Variants in DAB1 observed in about 807,000 individuals in gnomAD.
DAB1 encodes the protein DAB adaptor protein 1, also known as disabled homolog 1.
A neutral mutation model predicts 64.6 loss-of-function variants in DAB1; 15 were observed. The ratio of observed to expected loss-of-function variants is 0.23; its 90% confidence interval spans 0.16 to 0.36. DAB1 has a LOEUF of 0.36. DAB1 is among the 10% of genes least tolerant of loss of function. The probability of loss-of-function intolerance (pLI) is 1.00; values close to 1 mark genes in which losing one functional copy is unlikely to be tolerated. For synonymous variants in DAB1, 235 were observed against 251.9 expected (o/e 0.93, Z 0.64); for missense variants, 596 against 706.7 (o/e 0.84, Z 1.78).
chr1:58,456,701 C>T (rs560714474), intron 3 of DAB1, among the ~76,000 whole-genome samples: 3 of 152,332 alleles, frequency 2.0e-5, no homozygotes, highest in South Asian at 4.1e-4. Context: ...TCACCAAATA[C>T]TTATGAAGCT....
At chr1:57,504,934 C>T (rs982595185) in intron 7 of DAB1, among the ~76,000 whole-genome samples, 1 of 152,056 alleles carries the variant, frequency 6.6e-6, no homozygotes, top group Non-Finnish European at 1.5e-5. Flanking sequence ...TTGTTAAGGC[C>T]ATTAAAAACA....
intron 1 of DAB1, among the ~76,000 whole-genome samples, chr1:57,294,579 T>C (rs1673040820): frequency 6.6e-6 from 1 of 152,108 alleles, no homozygotes; most frequent in African/African-American, 2.4e-5. Flanking sequence ...TCTCATATAA[T>C]CCTACAATAA....
intron 7 of DAB1, among the ~76,000 whole-genome samples, chr1:57,583,085 AACT>A (rs1645332985): frequency 6.6e-6 from 1 of 152,176 alleles, no homozygotes; most frequent in African/African-American, 2.4e-5. Context: ...GAAATTATTG[AACT>A]GCTGAGTTAG....
chr1:57,110,814 C>G (rs1047151245), intron 4 of DAB1, among the ~76,000 whole-genome samples: 2 of 152,080 alleles, frequency 1.3e-5, no homozygotes, highest in African/African-American at 4.8e-5. Context: ...GGCACTATAG[C>G]TATGCCCACT....
At chr1:57,771,890 T>C (rs1439186983) in intron 6 of DAB1, among the ~76,000 whole-genome samples, 2 of 152,162 alleles carry the variant, frequency 1.3e-5, no homozygotes, top group Admixed American at 6.5e-5. Context: ...GCACTCACCA[T>C]AGTAATTTTG....
chr1:57,128,924 G>C (rs1457841009), intron 4 of DAB1, among the ~76,000 whole-genome samples: 1 of 152,122 alleles, frequency 6.6e-6, no homozygotes, highest in African/African-American at 2.4e-5. Context: ...CATATCATCT[G>C]GGGATCAGTT....
chr1:57,258,301 G>A (rs1669918444), intron 2 of DAB1, among the ~76,000 whole-genome samples: 1 of 152,184 alleles, frequency 6.6e-6, no homozygotes, highest in Non-Finnish European at 1.5e-5. Context: ...CACACAGTAA[G>A]AAGGAGGCAG....
At chr1:57,515,250 T>A (rs1644450541) in intron 7 of DAB1, among the ~76,000 whole-genome samples, 1 of 152,234 alleles carries the variant, frequency 6.6e-6, no homozygotes, top group South Asian at 2.1e-4. Context: ...AGACACTGAT[T>A]ATAAAAGGCA....
chr1:57,312,910 A>T (rs1674849194), intron 1 of DAB1, among the ~76,000 whole-genome samples: 1 of 152,084 alleles, frequency 6.6e-6, no homozygotes, highest in Non-Finnish European at 1.5e-5. Context: ...TGGAACAGAG[A>T]GGGACGCTTT....
intron 2 of DAB1, among the ~76,000 whole-genome samples, chr1:57,248,794 C>T (rs1184969251): frequency 6.6e-6 from 1 of 152,210 alleles, no homozygotes; most frequent in East Asian, 1.9e-4. Context: ...CCACAGGTAT[C>T]TGCATTTGCT....
At chr1:57,298,924 G>C (rs1673414682) in intron 1 of DAB1, among the ~76,000 whole-genome samples, 1 of 152,112 alleles carries the variant, frequency 6.6e-6, no homozygotes, top group South Asian at 2.1e-4. Flanking sequence ...GACCAGAAGT[G>C]GAAAAAGAAA....
At chr1:57,361,053 G>A (rs1679508735) in intron 1 of DAB1, among the ~76,000 whole-genome samples, 1 of 152,084 alleles carries the variant, frequency 6.6e-6, no homozygotes, top group African/African-American at 2.4e-5. Flanking sequence ...AGAGAGATAA[G>A]CACTGTGAGG....
intron 1 of DAB1, among the ~76,000 whole-genome samples, chr1:57,369,437 C>T (rs34707135): frequency 0.02 from 3,116 of 152,192 alleles, 42 homozygotes; most frequent in South Asian, 0.042. Flanking sequence ...TCTTAATGAA[C>T]ATTTTCCTTT....
chr1:57,511,169 G>T lies in DAB1; in HGVS notation n.625+138423C>A, dbSNP rs1570585087. On this transcript the variant is annotated intron_variant and non_coding_transcript_variant, in intron 7 of 20. Transcript: ENST00000485760. ...TCTAAAATCTATGTTCTACACAGTG[G>T]AACCACCAAATAGATAGAAATCTAA... Among the ~76,000 whole-genome samples, 4 of 152,080 alleles carry T rather than the reference G, an allele frequency of 2.6e-5. No homozygotes were observed. In the East Asian group the frequency reaches 5.8e-4, roughly 22 times the overall value.
intron 6 of DAB1, among the ~76,000 whole-genome samples, chr1:57,788,533 C>T (rs540262911): frequency 6.6e-6 from 1 of 152,286 alleles, no homozygotes; most frequent in South Asian, 2.1e-4. Flanking sequence ...TCAGGGAGAG[C>T]ACTAACCACA....
At chr1:57,922,932 C>T (rs529199183) in intron 5 of DAB1, among the ~76,000 whole-genome samples, 130 of 150,640 alleles carry the variant, frequency 8.6e-4, no homozygotes, top group Middle Eastern at 3.4e-3. Context: ...GACTACAGCT[C>T]TTTTCTATTC....
intron 3 of DAB1, among the ~76,000 whole-genome samples, chr1:58,392,573 GTCTC>G (rs898595590): frequency 6.6e-6 from 1 of 151,926 alleles, no homozygotes; most frequent in Non-Finnish European, 1.5e-5. Context: ...ACACGTTTCA[GTCTC>G]TCCCATACTA....
chr1:57,959,767 G>T (rs1488237168), intron 5 of DAB1, among the ~76,000 whole-genome samples: 7 of 152,132 alleles, frequency 4.6e-5, no homozygotes, highest in African/African-American at 1.7e-4. Flanking sequence ...ATTCAGGCTG[G>T]GATCGGTTTC....
intron 5 of DAB1, among the ~76,000 whole-genome samples, chr1:57,978,204 G>A (rs1032106754): frequency 6.6e-6 from 1 of 152,110 alleles, no homozygotes; most frequent in African/African-American, 2.4e-5. Context: ...CATGGTACTG[G>A]TACCAAAACA....
Sources: allele counts gnomAD v4.1 joint callset (sites outside exome capture counted in the v4.1 genomes callset), GRCh38; gene constraint gnomAD v4.1.1; transcripts MANE v1.5; gene names NCBI Gene and HGNC (gene_info 2026-07-23, HGNC 2026-07-21).